The following PNPT1 variants were observed in gnomAD, a reference collection of about 807,000 sequenced individuals.
PNPT1 encodes the protein polyribonucleotide nucleotidyltransferase 1, also known as polyribonucleotide nucleotidyltransferase 1, mitochondrial.
Under a neutral mutation model 119.5 loss-of-function variants are expected in PNPT1, and 53 were observed. That is an observed-to-expected ratio of 0.44 (90% CI 0.36 to 0.56). PNPT1 has a LOEUF of 0.56. Ranked by LOEUF, PNPT1 falls within the 20% of genes least tolerant of loss-of-function variation. The pLI is 0.00. For missense variants in PNPT1, 948 were observed against 938.5 expected, an observed-to-expected ratio of 1.01 and a Z score of -0.13; for synonymous variants, 357 against 322.1, an observed-to-expected ratio of 1.11 and a Z score of -1.16.
intron 11 of PNPT1, among the ~76,000 whole-genome samples, chr2:55,669,761 ACTTT>A (rs1225413067): frequency 1.7e-4 from 25 of 147,164 alleles, no homozygotes; most frequent in Admixed American, 1.3e-4. Flanking sequence ...TGCTAACAGC[ACTTT>A]TTTTTTTTTT....
Position 55,672,997 on chromosome 2 carries a change from T to G in PNPT1, c.762A>C (p.Gln254His). The G allele has an allele frequency of 6.2e-7, 1 of 1,613,498 alleles. No individual in the cohort carries two copies. The highest frequency in any genetic ancestry group is 8.5e-7 in the Non-Finnish European group (1 of 1,179,890). ...AIKVGVKYTQQIIQGIQQLVK... is the reference protein window; with the variant it reads ...AIKVGVKYTQHIIQGIQQLVK... ...CCAACTGCTGAATGCCCTGAATTATTTGTTGGGTATATTTCACTCCCACTT... is the reference window on the plus strand; with the variant it reads ...CCAACTGCTGAATGCCCTGAATTATGTGTTGGGTATATTTCACTCCCACTT... Residue 254 changes from glutamine (Q) to histidine (H), a missense_variant, in exon 9 of 28, where the codon CAA becomes CAC. Coordinates refer to ENST00000447944, the MANE Select transcript of PNPT1 (RefSeq NM_033109.5).
chr2:55,679,522 A>T (rs576843599), intron 8 of PNPT1, among the ~76,000 whole-genome samples, 160 bp downstream of exon 8: 1 of 152,312 alleles, frequency 6.6e-6, no homozygotes, highest in Non-Finnish European at 1.5e-5. Flanking sequence ...TTTAGGAATC[A>T]TTTGATATGA....
chr2:55,660,942 T>C (rs1696548640), intron 14 of PNPT1, among the ~76,000 whole-genome samples: 1 of 152,064 alleles, frequency 6.6e-6, no homozygotes, highest in Non-Finnish European at 1.5e-5. Flanking sequence ...CAGTTGGGCA[T>C]CAGGAAAAGG....
intron 13 of PNPT1, 54 bp from the exon 14 acceptor site, chr2:55,662,080 A>T (rs1696596485): frequency 1.4e-6 from 2 of 1,403,676 alleles, no homozygotes; most frequent in African/African-American, 3.0e-5. Flanking sequence ...CAAAGATGAA[A>T]ACTAAAAATA....
At position 55,693,602 on chromosome 2, in the gene PNPT1, C is replaced by A. The variant is rs1413443024; in HGVS notation, c.161+61G>T. 3.8e-6 allele frequency: 6 copies of A among 1,591,686 alleles called. No homozygotes were observed. The African/African-American group carries it at 8.0e-5, about 21-fold the overall frequency. On this transcript the variant is annotated intron_variant, in intron 1 of 27. Coordinates refer to ENST00000447944, the MANE Select transcript of PNPT1 (RefSeq NM_033109.5). ...GGGTTTCTACCCTGGGAGATGAATA[C>A]GCTCAAGCTGGCTGGACAAGACACC...
chr2:55,648,435 G>C (rs1572800556), intron 18 of PNPT1, among the ~76,000 whole-genome samples: 1 of 152,286 alleles, frequency 6.6e-6, no homozygotes, highest in Admixed American at 6.5e-5. Flanking sequence ...TAAAGACATA[G>C]CATTTTAAAC....
intron 1 of PNPT1, among the ~76,000 whole-genome samples, chr2:55,688,689 C>A (rs1697496972): frequency 6.6e-6 from 1 of 152,020 alleles, no homozygotes; most frequent in Non-Finnish European, 1.5e-5. Flanking sequence ...TGTGCCAATG[C>A]AGTCCAGCCT....
At chr2:55,680,799 C>A in intron 6 of PNPT1, 40 bp from the exon 7 acceptor site, 2 of 1,611,770 alleles carry the variant, frequency 1.2e-6, no homozygotes, top group African/African-American at 1.3e-5. Flanking sequence ...ATTAAAATTT[C>A]ATTGCTTTAA....
chr2:55,668,090 C>A, intron 11 of PNPT1, 132 bp from the exon 12 acceptor site: 1 of 733,514 alleles, frequency 1.4e-6, no homozygotes, highest in Admixed American at 3.5e-5. Flanking sequence ...GTTTAGTCCT[C>A]AGGCAAACAA....
chr2:55,685,832 A>G (rs955851681), intron 3 of PNPT1, among the ~76,000 whole-genome samples: 2 of 152,218 alleles, frequency 1.3e-5, no homozygotes, highest in African/African-American at 4.8e-5. Context: ...TTTATAACTT[A>G]CGTATATCCT....
intron 18 of PNPT1, among the ~76,000 whole-genome samples, chr2:55,648,183 A>C (rs1696059807): frequency 6.6e-6 from 1 of 152,150 alleles, no homozygotes; most frequent in African/African-American, 2.4e-5. Flanking sequence ...TATAAATGTA[A>C]ATATAATCTT....
intron 27 of PNPT1, among the ~76,000 whole-genome samples, chr2:55,636,939 A>G (rs1364533125): frequency 1.3e-5 from 2 of 152,238 alleles, no homozygotes; most frequent in African/African-American, 4.8e-5. Context: ...ACTATATCTT[A>G]GCACTCATCT....
intron 18 of PNPT1, among the ~76,000 whole-genome samples, chr2:55,651,213 G>A (rs1269387953): frequency 8.3e-5 from 12 of 145,234 alleles, no homozygotes; most frequent in African/African-American, 1.5e-4. Flanking sequence ...GCCTCTGCCC[G>A]GCCGCCCCTA....
chr2:55,651,773 T>TA (rs57793636), intron 18 of PNPT1, among the ~76,000 whole-genome samples: 98 of 126,420 alleles, frequency 7.8e-4, no homozygotes, highest in South Asian at 2.6e-3. Flanking sequence ...ATGATCAATT[T>TA]AAAAAAAAAA....
intron 8 of PNPT1, 63 bp downstream of exon 8, chr2:55,679,619 A>G: frequency 8.4e-7 from 1 of 1,196,148 alleles, no homozygotes; most frequent in Non-Finnish European, 1.2e-6. Context: ...GTTTAAATTC[A>G]GTTTAAGAAG....
At chr2:55,653,901 G>C (rs1430314459) in intron 18 of PNPT1, among the ~76,000 whole-genome samples, 1 of 151,966 alleles carries the variant, frequency 6.6e-6, no homozygotes, top group East Asian at 1.9e-4. Context: ...AGTGTCTTTA[G>C]GTTCCTTCTC....
At chr2:55,691,067 T>C (rs1020440774) in intron 1 of PNPT1, among the ~76,000 whole-genome samples, 1 of 152,238 alleles carries the variant, frequency 6.6e-6, no homozygotes, top group Non-Finnish European at 1.5e-5. Context: ...AAATTCTGAA[T>C]ACCTAAGTGA....
intron 22 of PNPT1, 133 bp from the exon 23 acceptor site, chr2:55,644,853 A>G (rs1695936411): frequency 2.0e-6 from 1 of 495,104 alleles, no homozygotes; most frequent in Non-Finnish European, 3.5e-6. Flanking sequence ...AAAACAGAAA[A>G]GTAGATGATT....
chr2:55,681,327 A>C (rs1265715878), intron 5 of PNPT1, among the ~76,000 whole-genome samples: 1 of 152,118 alleles, frequency 6.6e-6, no homozygotes, highest in African/African-American at 2.4e-5. Context: ...GAATCTCTTC[A>C]ACCCAGGAGG....
Sources: gnomAD v4.1 joint callset for allele counts (sites outside exome capture counted in the v4.1 genomes callset) on GRCh38, gnomAD v4.1.1 for gene constraint, MANE v1.5 for transcripts, NCBI Gene and HGNC (gene_info 2026-07-23, HGNC 2026-07-21) for gene names.